Variants in ARHGAP29 observed in about 807,000 individuals in gnomAD.
The protein encoded by ARHGAP29 is rho GTPase-activating protein 29.
A neutral mutation model predicts 122.6 loss-of-function variants in ARHGAP29; 43 were observed. That is an observed-to-expected ratio of 0.35 (90% confidence interval 0.27 to 0.45). The LOEUF (loss-of-function observed/expected upper bound fraction) is 0.45. ARHGAP29 is among the 20% of genes least tolerant of loss of function. The pLI is 1.00. For synonymous variants in ARHGAP29, 506 were observed against 497.1 expected, an observed-to-expected ratio of 1.02 and a Z score of -0.24; for missense variants, 1,303 against 1,477.2, an observed-to-expected ratio of 0.88 and a Z score of 1.93.
chr1:94,231,141 G>A lies in ARHGAP29; in HGVS notation c.205+266C>T, dbSNP rs373283635. On this transcript the variant is annotated intron_variant, in intron 2 of 22. Transcript: ENST00000260526. ...TTCCAATGATGTCAAATTTTCCTACGTCAAATGGACCCAACCACAGGAATC... is the reference window on the plus strand; with the variant it reads ...TTCCAATGATGTCAAATTTTCCTACATCAAATGGACCCAACCACAGGAATC... 2.0e-4 allele frequency among the ~76,000 whole-genome samples: 31 copies of A among 152,026 alleles called. No homozygotes were observed. In the South Asian group the frequency reaches 3.5e-3, roughly 17 times the overall value.
the ARHGAP29 span, among the ~76,000 whole-genome samples, chr1:94,296,742 A>G: frequency 6.6e-6 from 1 of 152,172 alleles, no homozygotes; most frequent in Admixed American, 6.5e-5. Flanking sequence ...GTTGCTCTGG[A>G]GAGGCAAACA....
intron 1 of ARHGAP29, 103 bp from the exon 2 acceptor site, chr1:94,231,746 CCACAGCT>C (rs752112933): frequency 1.9e-4 from 146 of 778,848 alleles, no homozygotes; most frequent in Non-Finnish European, 2.7e-4. Context: ...CACAAACAGC[CCACAGCT>C]CACCTTGGTA....
chr1:94,213,271 C>T (rs1651760572), intron 3 of ARHGAP29, among the ~76,000 whole-genome samples: 1 of 152,142 alleles, frequency 6.6e-6, no homozygotes, highest in Non-Finnish European at 1.5e-5. Flanking sequence ...GCTCCTCCTC[C>T]CGGGTTCCCG....
chr1:94,253,073 C>A (rs1654163088), intron 1 of ARHGAP29, among the ~76,000 whole-genome samples: 1 of 151,966 alleles, frequency 6.6e-6, no homozygotes, highest in South Asian at 2.1e-4. Flanking sequence ...TGGGTTCAAA[C>A]AATTCTCCTG....
Position 94,188,871 on chromosome 1 carries a change from T to G in ARHGAP29, c.1647A>C (p.Glu549Asp). 1 of 1,613,164 alleles carries G rather than the reference T, an allele frequency of 6.2e-7. No homozygotes were observed. Among genetic ancestry groups the G allele is most frequent in the African/African-American group, 1.3e-5 (1 of 75,020 alleles). Residue 549 changes from glutamate to aspartate, a missense_variant, in exon 15 of 23, where the codon GAA becomes GAC. By Grantham distance (45) the Glu-to-Asp change is conservative. Around this residue, in one of 3 missense-constraint regions of ARHGAP29, gnomAD observed 592 missense variants for 648.2 expected, o/e 0.91. Transcript: ENST00000260526. ...SDSESTGGSS[E>D]SRSLDSESIS... ...TAGATTCTGAATCCAGAGATCTAGATTCGCTGCTCCCTCCAGTGCTCTCAG... is the reference window on the plus strand; with the variant it reads ...TAGATTCTGAATCCAGAGATCTAGAGTCGCTGCTCCCTCCAGTGCTCTCAG...
chr1:94,218,532 T>C (rs899107293), intron 3 of ARHGAP29, among the ~76,000 whole-genome samples: 7 of 152,210 alleles, frequency 4.6e-5, no homozygotes, highest in Admixed American at 2.0e-4. Context: ...CAATAGCTAC[T>C]GACAACAATT....
In ARHGAP29 at chr1:94,202,548, T is replaced by G. The variant is rs1191494940; in HGVS notation, c.1139A>C (p.Gln380Pro). The G allele has an allele frequency of 1.2e-6, 2 of 1,613,458 alleles. No individual in the cohort carries two copies. Among genetic ancestry groups the G allele is most frequent in the African/African-American group, 1.3e-5 (1 of 74,972 alleles). Residue 380 changes from glutamine (Q) to proline (P), a missense_variant, in exon 11 of 23, where the codon CAA becomes CCA. Gln to Pro is a moderately conservative substitution (Grantham distance 76). Around this residue, in one of 3 missense-constraint regions of ARHGAP29, gnomAD observed 592 missense variants for 648.2 expected, o/e 0.91. Transcript: ENST00000260526. ...AAAAAAGAAAAAGATCGTTACTTTT[T>G]GGAGAGCCTCCTCTTCCAACCTTCG... ...KKRRLEEEAL[Q>P]KVEEANELYK...
intron 18 of ARHGAP29, 51 bp downstream of exon 18, chr1:94,184,821 T>C (rs762369094): frequency 1.4e-5 from 19 of 1,378,574 alleles, no homozygotes; most frequent in African/African-American, 5.9e-5. Context: ...TTCATTAGAA[T>C]AGGTTACACA....
chr1:94,190,047 C>T lies in ARHGAP29; in HGVS notation c.1318G>A (p.Ala440Thr). 1 of 1,613,350 alleles carries T rather than the reference C, an allele frequency of 6.2e-7. No individual in the cohort carries two copies. The highest frequency in any genetic ancestry group is 8.5e-7 in the Non-Finnish European group (1 of 1,179,548). Reference protein sequence around the residue: ...VNLFHMQHLQAASLADSLQSL... With the variant: ...VNLFHMQHLQTASLADSLQSL... The stretch of plus-strand genomic sequence containing the variant: ...TGTAAACTGTCTGCAAGGGAAGCAG[C>T]CTGCAGATGCTGCATGTGGAAGAGG... Residue 440 changes from alanine to threonine, a missense_variant, in exon 13 of 23, where the codon GCT becomes ACT. Transcript: ENST00000260526.
chr1:94,189,123 T>C (rs1422735016), intron 14 of ARHGAP29, 93 bp downstream of exon 14: 14 of 1,483,358 alleles, frequency 9.4e-6, no homozygotes, highest in Middle Eastern at 1.8e-4. Context: ...TAAGGCCTGA[T>C]TTTTAAATTC....
At chr1:94,238,546 A>G (rs1370578438), upstream of ARHGAP29, among the ~76,000 whole-genome samples, 1 of 141,634 alleles carries the variant, frequency 7.1e-6, no homozygotes, top group African/African-American at 2.7e-5. Flanking sequence ...GAAAGAACTC[A>G]TAGAGAAACA....
At chr1:94,178,429 C>G (rs988866608) in intron 20 of ARHGAP29, among the ~76,000 whole-genome samples, 2 of 151,866 alleles carry the variant, frequency 1.3e-5, no homozygotes, top group Non-Finnish European at 2.9e-5. Flanking sequence ...GAAAAAATAC[C>G]CCTAAAAACT....
At position 94,255,275 on chromosome 1, in the gene ARHGAP29, G is replaced by A. The variant is rs761069520; in HGVS notation, c.-33+19737C>T. 3.3e-5 allele frequency among the ~76,000 whole-genome samples: 5 copies of A among 152,188 alleles called. No homozygotes were observed. In the South Asian group the frequency reaches 1.0e-3, roughly 32 times the overall value. The stretch of plus-strand genomic sequence containing the variant: ...GGAAGACCATGTGAAGACAGGGAGT[G>A]ATGGCCATCTATCTACAAGTTGAGA... On this transcript the variant is annotated intron_variant and NMD_transcript_variant, in intron 1 of 25. Transcript: ENST00000552844.
At chr1:94,211,448 C>T (rs975036980) in intron 3 of ARHGAP29, among the ~76,000 whole-genome samples, 11 of 151,868 alleles carry the variant, frequency 7.2e-5, no homozygotes, top group Admixed American at 3.9e-4. Context: ...TGACAGAACG[C>T]GTAGATGGAA....
chr1:94,235,003 C>T (rs898477849), intron 1 of ARHGAP29, among the ~76,000 whole-genome samples: 3 of 152,054 alleles, frequency 2.0e-5, no homozygotes, highest in African/African-American at 7.2e-5. Context: ...ACTGCTGGAA[C>T]ATTTTTAGAC....
chr1:94,182,864 A>C (rs534207185), intron 19 of ARHGAP29, among the ~76,000 whole-genome samples: 3 of 150,576 alleles, frequency 2.0e-5, no homozygotes, highest in African/African-American at 7.4e-5. Flanking sequence ...GGAAGACATG[A>C]CAGGCATTTC....
chr1:94,268,333 T>G (rs2100728093), intron 1 of ARHGAP29, among the ~76,000 whole-genome samples: 1 of 152,076 alleles, frequency 6.6e-6, no homozygotes, highest in Non-Finnish European at 1.5e-5. Context: ...TTCTGCAAGC[T>G]TCTACCTTCT....
intron 2 of ARHGAP29, among the ~76,000 whole-genome samples, chr1:94,220,789 T>C (rs772956829): frequency 6.6e-6 from 1 of 152,158 alleles, no homozygotes; most frequent in Non-Finnish European, 1.5e-5. Flanking sequence ...ATTTAACCTA[T>C]ACATTTTTAA....
chr1:94,277,911 A>G (rs1655242625), upstream of ARHGAP29, among the ~76,000 whole-genome samples: 1 of 152,240 alleles, frequency 6.6e-6, no homozygotes, highest in African/African-American at 2.4e-5. Context: ...TGAAGGGAAA[A>G]CAATTCAAAC....
Sources: gnomAD v4.1 joint callset for allele counts (sites outside exome capture counted in the v4.1 genomes callset) on GRCh38, gnomAD v4.1.1 for gene constraint, gnomAD v4.1.1 regional missense constraint, MANE v1.5 for transcripts, NCBI Gene and HGNC (gene_info 2026-07-23, HGNC 2026-07-21) for gene names.